UBR1: variants seen among roughly 807,000 people sequenced by gnomAD.
The protein encoded by UBR1 is ubiquitin protein ligase E3 component n-recognin 1, also known as E3 ubiquitin-protein ligase UBR1.
UBR1 carries 102 observed loss-of-function variants against 242.1 expected under a neutral mutation model. The ratio of observed to expected loss-of-function variants is 0.42; its 90% CI spans 0.36 to 0.50. The LOEUF (loss-of-function observed/expected upper bound fraction) is 0.50. UBR1 is among the 20% of genes least tolerant of loss of function. The probability of loss-of-function intolerance (pLI) is 0.01; values close to 1 mark genes in which losing one functional copy is unlikely to be tolerated. For missense variants in UBR1, 1,772 were observed against 2,101.8 expected (o/e 0.84, Z 3.07); for synonymous variants, 675 against 684.8 (o/e 0.99, Z 0.22).
intron 1 of UBR1, among the ~76,000 whole-genome samples, chr15:43,094,160 G>C (rs963634052): frequency 2.0e-5 from 3 of 152,098 alleles, no homozygotes; most frequent in Non-Finnish European, 4.4e-5. Context: ...GAAAAGGCGT[G>C]GTGGCTCAGC....
chr15:43,031,423 G>A (rs979310717), intron 20 of UBR1, among the ~76,000 whole-genome samples: 15 of 152,242 alleles, frequency 9.9e-5, no homozygotes, highest in African/African-American at 3.6e-4. Flanking sequence ...TTCCTAATTT[G>A]AAAAAGTATA....
rs568614887 is a variant in UBR1, at chr15:42,947,941, G to A, written c.5108+2321C>T. Among the ~76,000 whole-genome samples, 429 of 152,152 alleles carry A rather than the reference G, an allele frequency of 2.8e-3. 2 individuals are homozygous for A. The highest frequency in any genetic ancestry group is 4.0e-3 in the Non-Finnish European group (273 of 67,976). On this transcript the variant is annotated intron_variant, in intron 46 of 46. Coordinates refer to ENST00000290650, the MANE Select transcript of UBR1 (RefSeq NM_174916.3). ...CAGAATTGGAAAAAACTACTTTAAA[G>A]TTCATATGGAACCAAAAAAGAGCCT...
chr15:42,965,705 G>A (rs2032094977), intron 41 of UBR1, among the ~76,000 whole-genome samples: 1 of 152,126 alleles, frequency 6.6e-6, no homozygotes, highest in Non-Finnish European at 1.5e-5. Flanking sequence ...GACCTCAAGT[G>A]ATCCACCCGC....
In UBR1 at chr15:42,945,080, G is replaced by C; in HGVS notation, c.*249C>G. 8.1e-6 allele frequency: 4 copies of C among 496,272 alleles called. No homozygotes were observed. The highest frequency in any genetic ancestry group is 1.5e-5 in the Non-Finnish European group (4 of 275,420). 30.7% of individuals were successfully genotyped at this position (496,272 alleles called of 1,614,324 possible). A position where few individuals can be genotyped will look rare whatever the true frequency, so the allele number is the denominator to read the frequency against. On this transcript the variant is annotated 3_prime_UTR_variant, in exon 47 of 47. Coordinates refer to ENST00000290650, the MANE Select transcript of UBR1 (RefSeq NM_174916.3). The stretch of plus-strand genomic sequence containing the variant: ...AATAAAATGAAATGAGACAAATTAT[G>C]AAGGGGAATAAATTCCTGGAAATAC...
intron 37 of UBR1, among the ~76,000 whole-genome samples, chr15:42,982,416 A>C (rs1212144963): frequency 6.6e-6 from 1 of 152,250 alleles, no homozygotes; most frequent in African/African-American, 2.4e-5. Flanking sequence ...CTGACCAAGA[A>C]GGGAAAAAAG....
At chr15:43,078,968 A>G (rs1446842795) in intron 3 of UBR1, among the ~76,000 whole-genome samples, 1 of 152,248 alleles carries the variant, frequency 6.6e-6, no homozygotes, top group African/African-American at 2.4e-5. Flanking sequence ...AATGAATTTT[A>G]CATTACAAAG....
chr15:42,948,995 G>A (rs1404208328), intron 46 of UBR1, among the ~76,000 whole-genome samples: 1 of 151,854 alleles, frequency 6.6e-6, no homozygotes, highest in African/African-American at 2.4e-5. Context: ...TTTATTGCGG[G>A]ACTATTCACA....
intron 12 of UBR1, among the ~76,000 whole-genome samples, chr15:43,049,440 G>A (rs1319732277): frequency 2.6e-5 from 4 of 152,136 alleles, no homozygotes; most frequent in Non-Finnish European, 5.9e-5. Context: ...GCGGGTGCCT[G>A]TAGTCCCAGC....
chr15:42,964,571 C>T (rs761496422), intron 41 of UBR1, among the ~76,000 whole-genome samples: 2 of 152,196 alleles, frequency 1.3e-5, no homozygotes, highest in Non-Finnish European at 2.9e-5. Flanking sequence ...CTCTCCTGAT[C>T]GGATGGCTCT....
chr15:43,032,683 T>A, intron 19 of UBR1, 52 bp from the exon 20 acceptor site: 1 of 1,115,836 alleles, frequency 9.0e-7, no homozygotes, highest in Non-Finnish European at 1.3e-6. Context: ...AAAACCTCCA[T>A]AAAACATGCA....
At chr15:42,981,380 T>C (rs1397107313) in intron 37 of UBR1, among the ~76,000 whole-genome samples, 1 of 152,258 alleles carries the variant, frequency 6.6e-6, no homozygotes, top group Admixed American at 6.5e-5. Context: ...ATGCAGCTTC[T>C]GTTCCTCTCA....
At chr15:42,977,776 A>C in intron 38 of UBR1, 104 bp downstream of exon 38, 1 of 1,056,492 alleles carries the variant, frequency 9.5e-7, no homozygotes. Context: ...TTATAGATTA[A>C]ACACAAAGAA....
intron 6 of UBR1, among the ~76,000 whole-genome samples, chr15:43,066,389 G>A (rs2033752530): frequency 6.6e-6 from 1 of 152,120 alleles, no homozygotes. Flanking sequence ...ATAAAGTAGG[G>A]TAGCATGGTG....
At chr15:43,085,550 C>T (rs1179272242) in intron 2 of UBR1, among the ~76,000 whole-genome samples, 1 of 151,806 alleles carries the variant, frequency 6.6e-6, no homozygotes, top group Non-Finnish European at 1.5e-5. Context: ...AGCAATAAAC[C>T]AAGACAAGTA....
chr15:42,980,391 G>C (rs1178924228), intron 37 of UBR1, among the ~76,000 whole-genome samples: 1 of 152,116 alleles, frequency 6.6e-6, no homozygotes, highest in Non-Finnish European at 1.5e-5. Flanking sequence ...TTATGGTCAG[G>C]CCTGGGTTTA....
chr15:43,082,036 T>C (rs2033980675), intron 3 of UBR1, among the ~76,000 whole-genome samples: 1 of 152,128 alleles, frequency 6.6e-6, no homozygotes, highest in African/African-American at 2.4e-5. Context: ...TTTTTACATT[T>C]AAAAGTATAA....
At chr15:43,004,942 C>T (rs1318234767) in intron 30 of UBR1, among the ~76,000 whole-genome samples, 1 of 151,724 alleles carries the variant, frequency 6.6e-6, no homozygotes, top group South Asian at 2.1e-4. Context: ...AGGAGTGTCT[C>T]TGCCCGGCAC....
At chr15:43,070,984 G>A in intron 4 of UBR1, 59 bp from the exon 5 acceptor site, 8 of 1,591,332 alleles carry the variant, frequency 5.0e-6, no homozygotes, top group South Asian at 1.1e-5. Flanking sequence ...AATGGATAAG[G>A]AAGGTAATGT....
intron 14 of UBR1, among the ~76,000 whole-genome samples, chr15:43,046,766 T>A (rs1009740241): frequency 1.3e-5 from 2 of 152,198 alleles, no homozygotes; most frequent in African/African-American, 4.8e-5. Context: ...CTTAAGGAAA[T>A]ACATTAGTTC....
Sources: allele counts gnomAD v4.1 joint callset (sites outside exome capture counted in the v4.1 genomes callset), GRCh38; gene constraint gnomAD v4.1.1; transcripts MANE v1.5; gene names NCBI Gene and HGNC (gene_info 2026-07-23, HGNC 2026-07-21).